Variants in ABCA13 observed in about 807,000 individuals in gnomAD.
ABCA13 encodes ATP-binding cassette sub-family A member 13.
In ABCA13, 476 loss-of-function variants were observed where a neutral mutation model predicts 478.7. The observed-to-expected ratio is 0.99, with a 90% CI of 0.92 to 1.07. The LOEUF (loss-of-function observed/expected upper bound fraction) is 1.07, where lower values mean the gene tolerates loss of function less well. Among genes scored for constraint, ABCA13 ranks in the 50% least tolerant of loss-of-function variants. The pLI, the probability that ABCA13 is intolerant of heterozygous loss-of-function variation, is 0.00. For missense variants in ABCA13, 6,060 were observed against 5,910.6 expected (o/e 1.03, Z -0.83); for synonymous variants, 2,252 against 2,158.9 (o/e 1.04, Z -1.20).
At chr7:48,313,540 G>T (rs532819582) in intron 25 of ABCA13, among the ~76,000 whole-genome samples, 79 of 152,258 alleles carry the variant, frequency 5.2e-4, no homozygotes, top group African/African-American at 1.8e-3. Context: ...GATTTCAAGG[G>T]CCTGTTTAAC....
intron 3 of ABCA13, among the ~76,000 whole-genome samples, chr7:48,208,318 A>T (rs1267139559): frequency 2.0e-5 from 3 of 151,714 alleles, no homozygotes; most frequent in African/African-American, 7.3e-5. Context: ...TAAAAAATGA[A>T]TTTTTTTTCT....
At chr7:48,181,811 G>A (rs930329431) in intron 1 of ABCA13, among the ~76,000 whole-genome samples, 5 of 151,886 alleles carry the variant, frequency 3.3e-5, no homozygotes, top group Non-Finnish European at 7.4e-5. Flanking sequence ...TTTCTTCTTA[G>A]GAAATTTTTG....
chr7:48,610,710 C>T (rs922697440), intron 58 of ABCA13, among the ~76,000 whole-genome samples: 3 of 152,238 alleles, frequency 2.0e-5, no homozygotes, highest in African/African-American at 7.2e-5. Context: ...AACTCTTGCC[C>T]TCTGTGCATC....
intron 32 of ABCA13, among the ~76,000 whole-genome samples, chr7:48,369,931 A>G (rs867000808): frequency 5.2e-4 from 79 of 151,836 alleles, no homozygotes; most frequent in African/African-American, 1.9e-3. Flanking sequence ...TGTGAAGAGT[A>G]ATGGTGGTGT....
Position 48,311,776 on chromosome 7 carries a change from C to T in ABCA13, c.9517-1291C>T, listed in dbSNP as rs540612776. The stretch of plus-strand genomic sequence containing the variant: ...TATGGCTCAGGATGTTAGGGCAGCC[C>T]GACCTCCATGTGAGGGCCACGTGCA... On this transcript the variant is annotated intron_variant, in intron 24 of 61. Coordinates refer to ENST00000435803, the MANE Select transcript of ABCA13 (RefSeq NM_152701.5). Among the ~76,000 whole-genome samples the T allele has an allele frequency of 6.6e-5, 10 of 152,270 alleles. 3 individuals are homozygous for T. The highest frequency in any genetic ancestry group is 6.2e-4 in the South Asian group (3 of 4,818).
Position 48,594,739 on chromosome 7 carries a change from C to T in ABCA13, c.14670C>T (p.Cys4890=). ...AGCCCAGCTCTGGGATGGATCCCTG[C>T]TCTAAGCGGTACCTGTGGCAAACAA... is the stretch of plus-strand genomic sequence containing the variant. ...LDEPSSGMDP[C]SKRYLWQTIM... Residue 4890 remains cysteine, a synonymous_variant, in exon 58 of 62, where the codon TGC becomes TGT. Coordinates refer to ENST00000435803, the MANE Select transcript of ABCA13 (RefSeq NM_152701.5). 1 of 1,613,966 alleles carries T rather than the reference C, an allele frequency of 6.2e-7. No individual in the cohort carries two copies. The highest frequency in any genetic ancestry group is 8.5e-7 in the Non-Finnish European group (1 of 1,179,830).
At chr7:48,397,580 T>C (rs1221185321) in intron 38 of ABCA13, among the ~76,000 whole-genome samples, 5 of 152,148 alleles carry the variant, frequency 3.3e-5, no homozygotes, top group Non-Finnish European at 7.4e-5. Flanking sequence ...GAAAATCTTT[T>C]AGTGGAGAGC....
chr7:48,388,091 C>T, intron 36 of ABCA13, 132 bp downstream of exon 36: 1 of 966,822 alleles, frequency 1.0e-6, no homozygotes, highest in Non-Finnish European at 1.4e-6. Flanking sequence ...TTTAGGCTGT[C>T]TTGGGCTGGG....
chr7:48,286,539 C>T (rs1173571173), intron 19 of ABCA13, among the ~76,000 whole-genome samples: 1 of 152,000 alleles, frequency 6.6e-6, no homozygotes, highest in African/African-American at 2.4e-5. Context: ...GAGTCTCGCT[C>T]TGTCGCCCAG....
chr7:48,474,699 A>T (rs1376086074), intron 45 of ABCA13, among the ~76,000 whole-genome samples: 1 of 152,192 alleles, frequency 6.6e-6, no homozygotes, highest in Non-Finnish European at 1.5e-5. Context: ...CCCAGCATGC[A>T]CAAATGCCAT....
At chr7:48,415,205 C>G (rs535717277) in intron 41 of ABCA13, among the ~76,000 whole-genome samples, 7 of 152,296 alleles carry the variant, frequency 4.6e-5, no homozygotes, top group South Asian at 2.1e-4. Flanking sequence ...ATCATTTGGA[C>G]AGTTGAGAGC....
At chr7:48,251,927 A>G (rs1027522751) in intron 15 of ABCA13, among the ~76,000 whole-genome samples, 1 of 151,966 alleles carries the variant, frequency 6.6e-6, no homozygotes, top group Non-Finnish European at 1.5e-5. Flanking sequence ...GTTATGAGTC[A>G]TTTTTCTTTT....
intron 19 of ABCA13, among the ~76,000 whole-genome samples, chr7:48,282,006 T>C (rs912356169): frequency 6.6e-6 from 1 of 152,156 alleles, no homozygotes; most frequent in African/African-American, 2.4e-5. Flanking sequence ...GGTATTATAG[T>C]TTTTGGTGTC....
At chr7:48,281,637 T>C (rs1337391912) in intron 19 of ABCA13, among the ~76,000 whole-genome samples, 185 bp downstream of exon 19, 1 of 152,160 alleles carries the variant, frequency 6.6e-6, no homozygotes, top group Non-Finnish European at 1.5e-5. Context: ...GGGCCTCTAC[T>C]CCAGCCAAAT....
chr7:48,392,558 C>G (rs1816228467), intron 38 of ABCA13, among the ~76,000 whole-genome samples: 1 of 152,136 alleles, frequency 6.6e-6, no homozygotes, highest in Non-Finnish European at 1.5e-5. Context: ...TTCCTTCCTT[C>G]CTGTCACACA....
rs577607631 is a variant in ABCA13, at chr7:48,392,028, C to T, written c.11762C>T (p.Pro3921Leu). The change falls in exon 38 of 62, where the codon CCG (proline) becomes CTG (leucine). Residue 3921 changes from proline to leucine, a missense_variant. Pro to Leu is a moderately conservative substitution (Grantham distance 98). This residue lies in a region of ABCA13 where 1,627 missense variants were observed against 1,571.0 expected (regional missense o/e 1.04). Coordinates refer to ENST00000435803, the MANE Select transcript of ABCA13 (RefSeq NM_152701.5). Reference sequence around the variant, plus strand: ...GTCAGAATGGAGCTTGGTGTGTGTCCGCAGCAGGACATCCTGTTGGACAAC... The same window carrying T: ...GTCAGAATGGAGCTTGGTGTGTGTCTGCAGCAGGACATCCTGTTGGACAAC... ...SRVRMELGVC[P>L]QQDILLDNLT... The T allele has an allele frequency of 2.5e-5, 40 of 1,613,946 alleles. No individual in the cohort carries two copies. In the East Asian group the frequency reaches 4.0e-4, roughly 16 times the overall value.
chr7:48,623,946 T>A (rs989049522), intron 59 of ABCA13, among the ~76,000 whole-genome samples: 2 of 152,116 alleles, frequency 1.3e-5, no homozygotes, highest in Non-Finnish European at 2.9e-5. Context: ...GGTCGTTAGG[T>A]TGAGCAGCTG....
rs1295362267 is a variant in ABCA13 at position 48,272,279 on chromosome 7, T to C, written c.2613T>C (p.Phe871=). 1 of 1,613,772 alleles carries C rather than the reference T, an allele frequency of 6.2e-7. No homozygotes were observed. The highest frequency in any genetic ancestry group is 1.7e-5 in the Admixed American group (1 of 60,010). ...VPENEILSTS[F]NFSQLFHSDW... The stretch of plus-strand genomic sequence containing the variant: ...AAAATGAGATTCTGAGTACAAGTTT[T>C]AACTTTTCCCAGTTGTTCCATTCAG... Residue 871 remains phenylalanine, a synonymous_variant, in exon 17 of 62, where the codon TTT becomes TTC. Coordinates refer to ENST00000435803, the MANE Select transcript of ABCA13 (RefSeq NM_152701.5).
At chr7:48,481,672 A>T (rs552547908) in intron 46 of ABCA13, among the ~76,000 whole-genome samples, 4 of 85,604 alleles carry the variant, frequency 4.7e-5, no homozygotes, top group South Asian at 4.2e-4. Context: ...CACCTGGCTA[A>T]TTTTTTTGTA....
Sources: gnomAD v4.1 joint callset for allele counts (sites outside exome capture counted in the v4.1 genomes callset) on GRCh38, gnomAD v4.1.1 for gene constraint, gnomAD v4.1.1 regional missense constraint, MANE v1.5 for transcripts, NCBI Gene and HGNC (gene_info 2026-07-23, HGNC 2026-07-21) for gene names.